Variants in MAGI3 observed in about 807,000 individuals in gnomAD.
The protein encoded by MAGI3 is membrane-associated guanylate kinase, WW and PDZ domain-containing protein 3.
Under a neutral mutation model 121.8 loss-of-function variants are expected in MAGI3, and 43 were observed. The ratio of observed to expected loss-of-function variants is 0.35; its 90% confidence interval spans 0.28 to 0.46. MAGI3 has a LOEUF of 0.46. Ranked by LOEUF, MAGI3 falls within the 20% of genes least tolerant of loss-of-function variation. The pLI is 1.00. For synonymous variants in MAGI3, 553 were observed against 639.3 expected (o/e 0.86, Z 2.04); for missense variants, 1,547 against 1,797.3 (o/e 0.86, Z 2.52).
At chr1:113,602,487 A>G (rs562533057) in intron 6 of MAGI3, among the ~76,000 whole-genome samples, 1 of 152,334 alleles carries the variant, frequency 6.6e-6, no homozygotes, top group African/African-American at 2.4e-5. Flanking sequence ...AGTTTATAGC[A>G]CTAAATTGCT....
chr1:113,486,306 G>T (rs1001085811), intron 1 of MAGI3, among the ~76,000 whole-genome samples: 1 of 152,136 alleles, frequency 6.6e-6, no homozygotes, highest in Non-Finnish European at 1.5e-5. Context: ...TGGCCGTATG[G>T]TCATTTTCAC....
chr1:113,680,805 T>G (rs1339762803), intron 19 of MAGI3, among the ~76,000 whole-genome samples: 1 of 152,030 alleles, frequency 6.6e-6, no homozygotes, highest in Non-Finnish European at 1.5e-5. Flanking sequence ...CAGGAAAGTT[T>G]TATATGGCTA....
chr1:113,643,376 G>A lies in MAGI3; in HGVS notation c.1967-367G>A, dbSNP rs545708758. ...TGAGTGATGGTGGAATGTGCTCCAA[G>A]TAAGGTAGAAATCTCTTTGTGAGTG... On this transcript the variant is annotated intron_variant, in intron 10 of 20. Transcript: ENST00000307546. 1.3e-4 allele frequency among the ~76,000 whole-genome samples: 20 copies of A among 152,294 alleles called. No homozygotes were observed. The South Asian group carries it at 3.9e-3, about 30-fold the overall frequency.
intron 1 of MAGI3, among the ~76,000 whole-genome samples, chr1:113,546,002 A>C (rs1165103290): frequency 6.6e-6 from 1 of 152,152 alleles, no homozygotes; most frequent in African/African-American, 2.4e-5. Context: ...TTTCTGAGTT[A>C]ATGTGTCTGT....
At chr1:113,487,751 T>G (rs892928622) in intron 1 of MAGI3, among the ~76,000 whole-genome samples, 3 of 129,364 alleles carry the variant, frequency 2.3e-5, no homozygotes, top group Non-Finnish European at 5.3e-5. Flanking sequence ...TTGACATCTG[T>G]TTTTTTTTTC....
intron 9 of MAGI3, among the ~76,000 whole-genome samples, chr1:113,635,839 G>C (rs1226646487): frequency 6.6e-6 from 1 of 151,578 alleles, no homozygotes. Flanking sequence ...GAATTCGGCT[G>C]TGAATCCATC....
chr1:113,406,149 AAAT>A (rs1056084880), intron 1 of MAGI3, among the ~76,000 whole-genome samples: 6 of 151,954 alleles, frequency 3.9e-5, no homozygotes, highest in Non-Finnish European at 8.8e-5. Flanking sequence ...TCTTAAAAAA[AAAT>A]AGTGGGCCGG....
At chr1:113,557,396 A>T (rs1429588721) in intron 2 of MAGI3, among the ~76,000 whole-genome samples, 1 of 152,168 alleles carries the variant, frequency 6.6e-6, no homozygotes, top group African/African-American at 2.4e-5. Flanking sequence ...GTCCAAGCTG[A>T]TGGGCAGAAG....
intron 14 of MAGI3, among the ~76,000 whole-genome samples, chr1:113,652,527 A>G (rs921497081): frequency 7.2e-5 from 11 of 152,206 alleles, no homozygotes; most frequent in African/African-American, 2.7e-4. Flanking sequence ...TGGAGGCCAA[A>G]TGTAACTACT....
rs753051289 is a variant in MAGI3, at chr1:113,659,060, TG to T, written c.2630-16del. 3.7e-5 allele frequency: 57 copies of T among 1,561,432 alleles called. 1 individual carries two copies. Among genetic ancestry groups the T allele is most frequent in the Middle Eastern group, 1.7e-4 (1 of 5,764 alleles). ...AGAAATCTTAAATAATTGAAAAACC[TG>T]GGGTTTTTTTTCCCATAGTTATTCC... On this transcript the variant is annotated intron_variant, in intron 15 of 20. Transcript: ENST00000307546.
At chr1:113,513,490 G>A (rs1253060697) in intron 1 of MAGI3, among the ~76,000 whole-genome samples, 2 of 152,060 alleles carry the variant, frequency 1.3e-5, no homozygotes, top group Admixed American at 1.3e-4. Context: ...ACAACTATCT[G>A]ATCTTTGACA....
At chr1:113,669,019 C>T (rs1220384051) in intron 16 of MAGI3, among the ~76,000 whole-genome samples, 1 of 152,194 alleles carries the variant, frequency 6.6e-6, no homozygotes, top group Non-Finnish European at 1.5e-5. Flanking sequence ...TGATGTTATA[C>T]ACTCATTACA....
intron 2 of MAGI3, among the ~76,000 whole-genome samples, chr1:113,569,377 C>A (rs1412905252): frequency 6.6e-6 from 1 of 152,044 alleles, no homozygotes; most frequent in Non-Finnish European, 1.5e-5. Context: ...CTTTTCTTTT[C>A]ATTCCTTTCA....
At chr1:113,463,372 C>T (rs1655124503) in intron 1 of MAGI3, among the ~76,000 whole-genome samples, 1 of 149,754 alleles carries the variant, frequency 6.7e-6, no homozygotes, top group Admixed American at 6.8e-5. Context: ...TTTTAGAAAT[C>T]TCATTTAGGA....
intron 9 of MAGI3, among the ~76,000 whole-genome samples, chr1:113,639,102 G>A (rs902631404): frequency 6.6e-6 from 1 of 152,238 alleles, no homozygotes; most frequent in Admixed American, 6.5e-5. Flanking sequence ...CAGTATTCGG[G>A]TGGGAGTGAC....
intron 1 of MAGI3, among the ~76,000 whole-genome samples, chr1:113,453,027 A>G (rs902628606): frequency 2.6e-5 from 4 of 152,200 alleles, no homozygotes; most frequent in African/African-American, 9.6e-5. Context: ...AAGCAGTTGC[A>G]TGATATACTT....
intron 1 of MAGI3, among the ~76,000 whole-genome samples, chr1:113,433,671 G>A (rs1653413963): frequency 6.6e-6 from 1 of 152,066 alleles, no homozygotes; most frequent in Non-Finnish European, 1.5e-5. Context: ...ATAATTATGT[G>A]AAAAAATTTT....
chr1:113,535,592 C>G (rs922262201), intron 1 of MAGI3, among the ~76,000 whole-genome samples: 2 of 152,000 alleles, frequency 1.3e-5, no homozygotes, highest in Admixed American at 6.6e-5. Flanking sequence ...TTGAATATTA[C>G]CTTAGTAGAT....
chr1:113,563,441 G>A (rs1165299212), intron 2 of MAGI3, among the ~76,000 whole-genome samples: 3 of 152,284 alleles, frequency 2.0e-5, no homozygotes, highest in African/African-American at 7.2e-5. Context: ...TCTTTTCCTG[G>A]TTCCAGTGTG....
Sources: gnomAD v4.1 joint callset for allele counts (sites outside exome capture counted in the v4.1 genomes callset) on GRCh38, gnomAD v4.1.1 for gene constraint, MANE v1.5 for transcripts, NCBI Gene and HGNC (gene_info 2026-07-23, HGNC 2026-07-21) for gene names.